FAM151B: variants seen among roughly 807,000 people sequenced by gnomAD.
FAM151B encodes the protein protein FAM151B.
Under a neutral mutation model 31.2 loss-of-function variants are expected in FAM151B, and 24 were observed. That is an observed-to-expected ratio of 0.77 (90% CI 0.56 to 1.08). The LOEUF (loss-of-function observed/expected upper bound fraction) is 1.08. Among genes scored for constraint, FAM151B ranks in the 50% least tolerant of loss-of-function variants. The pLI is 0.00. For synonymous variants in FAM151B, 105 were observed against 111.4 expected (o/e 0.94, Z 0.36); for missense variants, 293 against 328.6 (o/e 0.89, Z 0.84).
chr5:80,519,714 C>T lies in FAM151B; in HGVS notation c.339C>T (p.Ser113=). The T allele has an allele frequency of 6.2e-7, 1 of 1,614,050 alleles. No homozygotes were observed. The highest frequency in any genetic ancestry group is 1.1e-5 in the South Asian group (1 of 91,066). The part of the protein sequence containing the change: ...DFKSLAVVEP[S]MMLLENVKRH... ...TTAGTCTGGCAGTTGTAGAACCATC[C>T]ATGATGCTCTTGGAAAATGTGAAGA... Residue 113 remains serine (S), a synonymous_variant, in exon 4 of 6, where the codon TCC becomes TCT. Transcript: ENST00000282226.
chr5:80,501,983 T>C, intron 2 of FAM151B, 66 bp downstream of exon 2: 4 of 1,333,720 alleles, frequency 3.0e-6, no homozygotes, highest in Non-Finnish European at 4.0e-6. Context: ...TTTTTTGATA[T>C]CTAGGTATAT....
chr5:80,521,116 CTT>C (rs57212651), intron 4 of FAM151B, among the ~76,000 whole-genome samples: 15 of 71,874 alleles, frequency 2.1e-4, no homozygotes, highest in East Asian at 5.4e-4. Flanking sequence ...TGCACCTGGC[CTT>C]TTTTTTTTTT....
chr5:80,519,687 T>G lies in FAM151B; in HGVS notation c.318-6T>G. 2 of 1,611,352 alleles carry G rather than the reference T, an allele frequency of 1.2e-6. No homozygotes were observed. Among genetic ancestry groups the G allele is most frequent in the Non-Finnish European group, 1.7e-6 (2 of 1,178,570 alleles). On this transcript the variant is annotated splice_region_variant and splice_polypyrimidine_tract_variant and intron_variant, in intron 3 of 5. Coordinates refer to ENST00000282226, the MANE Select transcript of FAM151B (RefSeq NM_205548.3). Reference sequence around the variant, plus strand: ...CTATCTCATTGACAACAAATTATGTTTTTAGTCTGGCAGTTGTAGAACCAT... The same window carrying G: ...CTATCTCATTGACAACAAATTATGTGTTTAGTCTGGCAGTTGTAGAACCAT...
At chr5:80,536,052 A>G (rs919989933) in intron 5 of FAM151B, among the ~76,000 whole-genome samples, 1 of 152,240 alleles carries the variant, frequency 6.6e-6, no homozygotes, top group African/African-American at 2.4e-5. Context: ...TCACACCCCA[A>G]TTAAAATGGC....
intron 4 of FAM151B, 90 bp from the exon 5 acceptor site, chr5:80,521,913 T>C: frequency 1.1e-6 from 1 of 898,962 alleles, no homozygotes; most frequent in Non-Finnish European, 1.6e-6. Flanking sequence ...TTATCTATGG[T>C]TTTACCTAAT....
chr5:80,489,194 CTGTTT>C (rs199936617), intron 1 of FAM151B, among the ~76,000 whole-genome samples: 21 of 151,898 alleles, frequency 1.4e-4, no homozygotes, highest in Non-Finnish European at 7.4e-5. Flanking sequence ...CAGTCGTTTC[CTGTTT>C]TGTTTTGTTT....
Position 80,501,844 on chromosome 5 carries a change from A to G in FAM151B, c.78A>G (p.Thr26=), listed in dbSNP as rs749107242. Residue 26 remains threonine, a synonymous_variant, in exon 2 of 6, where the codon ACA becomes ACG. Transcript: ENST00000282226. ...LEYFLRNSQI[T]AEDGAEITWY... is the part of the protein sequence containing the mutation. ...ATTTTCTGAGAAATAGCCAGATTAC[A>G]GCAGAAGACGGTGCTGAGATCACCT... 2 of 1,604,722 alleles carry G rather than the reference A, an allele frequency of 1.2e-6. No individual in the cohort carries two copies. Among genetic ancestry groups the G allele is most frequent in the Non-Finnish European group, 1.7e-6 (2 of 1,174,120 alleles).
chr5:80,530,058 C>G (rs2112661361), intron 5 of FAM151B, among the ~76,000 whole-genome samples: 1 of 152,314 alleles, frequency 6.6e-6, no homozygotes, highest in East Asian at 1.9e-4. Flanking sequence ...GGCTTCATCC[C>G]TAGGATGCAA....
Position 80,519,855 on chromosome 5 carries a change from C to A in FAM151B, c.480C>A (p.Asp160Glu). ...ACACCGTGATATCCTTCTTTCCAGA[C>A]GTGACGTTTTCCCTGGGTTGGACAA... ...FLDTVISFFP[D>E]VTFSLGWTTG... Residue 160 changes from aspartate to glutamate, a missense_variant, in exon 4 of 6, where the codon GAC becomes GAA. By Grantham distance (45) the Asp-to-Glu change is conservative (BLOSUM62 2). Coordinates refer to ENST00000282226, the MANE Select transcript of FAM151B (RefSeq NM_205548.3). 1.2e-6 allele frequency: 2 copies of A among 1,614,094 alleles called. No homozygotes were observed. The highest frequency in any genetic ancestry group is 1.7e-6 in the Non-Finnish European group (2 of 1,180,006).
In FAM151B at chr5:80,516,847, A is replaced by G. The variant is rs75656661; in HGVS notation, c.318-2846A>G. On this transcript the variant is annotated intron_variant, in intron 3 of 5. Transcript: ENST00000282226. Reference sequence around the variant, plus strand: ...TGGTCTGTTATTTCTTGTAGTATACAGTAGTCCTCTGTTATCTGCAGTTTC... The same window carrying G: ...TGGTCTGTTATTTCTTGTAGTATACGGTAGTCCTCTGTTATCTGCAGTTTC... Among the ~76,000 whole-genome samples, 831 of 152,380 alleles carry G rather than the reference A, an allele frequency of 5.5e-3. 5 individuals are homozygous for G. The highest frequency in any genetic ancestry group is 7.4e-3 in the Non-Finnish European group (501 of 68,042).
At chr5:80,496,765 G>T (rs991226219) in intron 1 of FAM151B, among the ~76,000 whole-genome samples, 1 of 150,796 alleles carries the variant, frequency 6.6e-6, no homozygotes, top group Middle Eastern at 3.2e-3. Flanking sequence ...AGGGAAGAGT[G>T]GGGATGATAT....
At chr5:80,491,633 C>T (rs1197479060) in intron 1 of FAM151B, among the ~76,000 whole-genome samples, 1 of 152,148 alleles carries the variant, frequency 6.6e-6, no homozygotes, top group Non-Finnish European at 1.5e-5. Context: ...ATCCAATTGC[C>T]CTGGCTGCAT....
intron 2 of FAM151B, among the ~76,000 whole-genome samples, chr5:80,502,860 A>C (rs60317104): frequency 0.019 from 2,833 of 152,284 alleles, 89 homozygotes; most frequent in African/African-American, 0.064. Context: ...TTTCATGTTG[A>C]ATCCTTAATG....
intron 1 of FAM151B, among the ~76,000 whole-genome samples, chr5:80,499,342 T>A (rs1743659740): frequency 6.6e-6 from 1 of 152,198 alleles, no homozygotes; most frequent in Admixed American, 6.5e-5. Flanking sequence ...TTGAAAGATA[T>A]GAGAATTATG....
At chr5:80,509,042 C>G (rs1432700701) in intron 2 of FAM151B, among the ~76,000 whole-genome samples, 1 of 152,136 alleles carries the variant, frequency 6.6e-6, no homozygotes, top group Non-Finnish European at 1.5e-5. Context: ...GACGCAATCA[C>G]AGCTCACTAC....
chr5:80,512,999 A>G (rs1407744657), intron 2 of FAM151B, among the ~76,000 whole-genome samples: 1 of 152,124 alleles, frequency 6.6e-6, no homozygotes, highest in Non-Finnish European at 1.5e-5. Context: ...GCCCAGCTGA[A>G]GAGGCAGGGA....
intron 5 of FAM151B, among the ~76,000 whole-genome samples, chr5:80,531,957 A>G (rs1249044635): frequency 2.0e-5 from 3 of 152,140 alleles, no homozygotes; most frequent in African/African-American, 4.8e-5. Context: ...TTGTGGCACT[A>G]TTCACAATAG....
At chr5:80,496,787 T>C (rs949883075) in intron 1 of FAM151B, among the ~76,000 whole-genome samples, 12 of 148,948 alleles carry the variant, frequency 8.1e-5, no homozygotes, top group African/African-American at 2.5e-4. Flanking sequence ...GGAACTTTGC[T>C]CTTTTTGCTT....
In FAM151B at chr5:80,508,877, A is replaced by G. The variant is rs147403733; in HGVS notation, c.152-4727A>G. On this transcript the variant is annotated intron_variant, in intron 2 of 5. Transcript: ENST00000282226. The stretch of plus-strand genomic sequence containing the variant: ...GCACCTTCTTTCTGAGGGCTTAATA[A>G]AGGGTCATATGGTTGTACCCTTGGC... 3.3e-3 allele frequency among the ~76,000 whole-genome samples: 497 copies of G among 152,254 alleles called. 4 individuals carry two copies. Among genetic ancestry groups the G allele is most frequent in the Non-Finnish European group, 4.8e-3 (329 of 68,020 alleles).
Sources: gnomAD v4.1 joint callset for allele counts (sites outside exome capture counted in the v4.1 genomes callset) on GRCh38, gnomAD v4.1.1 for gene constraint, MANE v1.5 for transcripts, NCBI Gene and HGNC (gene_info 2026-07-23, HGNC 2026-07-21) for gene names.